HEPH: variants seen among roughly 807,000 people sequenced by gnomAD.
The protein encoded by HEPH is hephaestin.
In HEPH, 69 loss-of-function variants were observed where a neutral mutation model predicts 80.8. The ratio of observed to expected loss-of-function variants is 0.85; its 90% CI spans 0.70 to 1.04. The LOEUF is 1.04. Ranked by LOEUF, HEPH falls within the 50% of genes least tolerant of loss-of-function variation. The pLI, the probability that HEPH is intolerant of heterozygous loss-of-function variation, is 0.00. For missense variants in HEPH, 1,115 were observed against 891.3 expected (o/e 1.25, Z -3.20); for synonymous variants, 431 against 322.8 (o/e 1.34, Z -3.60).
intron 15 of HEPH, among the ~76,000 whole-genome samples, chrX:66,250,978 G>T (rs2090982638): frequency 8.9e-6 from 1 of 112,056 alleles, no homozygotes; most frequent in Non-Finnish European, 1.9e-5. Flanking sequence ...CTGCCCCCAA[G>T]GTTCAAATGA....
At chrX:66,241,254 T>C (rs188686737) in intron 15 of HEPH, among the ~76,000 whole-genome samples, 57 of 111,755 alleles carry the variant, frequency 5.1e-4, no homozygotes, top group Non-Finnish European at 8.3e-4. Context: ...AATCTCCACA[T>C]ATCAGTATTG....
At chrX:66,221,120 TCA>T (rs2089627766) in intron 15 of HEPH, among the ~76,000 whole-genome samples, 1 of 111,519 alleles carries the variant, frequency 9.0e-6, no homozygotes, top group Non-Finnish European at 1.9e-5. Flanking sequence ...CGTGGACCAG[TCA>T]GCTTCCGGGT....
chrX:66,219,190 G>A (rs757515269), intron 15 of HEPH, among the ~76,000 whole-genome samples: 3 of 112,062 alleles, frequency 2.7e-5, no homozygotes, highest in East Asian at 5.6e-4. Flanking sequence ...CAGGTAGCAA[G>A]GAAGCAGTAA....
chrX:66,173,808 G>T lies in HEPH; in HGVS notation c.625+7G>T. On this transcript the variant is annotated splice_region_variant and intron_variant, in intron 4 of 20. Coordinates refer to ENST00000343002, the MANE Select transcript of HEPH (RefSeq NM_001367233.3). ...CTCATCACCTGTAAAAGAGGTACAG[G>T]TCCCAAGGATAAGCTATGAGGTGTA... 1 of 1,155,441 alleles carries T rather than the reference G, an allele frequency of 8.7e-7. No homozygotes were observed. Among genetic ancestry groups the T allele is most frequent in the Non-Finnish European group, 1.2e-6 (1 of 857,910 alleles).
chrX:66,266,418 A>ATTTTTTTTTTT (rs376891573), intron 20 of HEPH, 22 bp from the exon 21 acceptor site: 1 of 1,032,826 alleles, frequency 9.7e-7, no homozygotes, highest in Non-Finnish European at 1.3e-6. Flanking sequence ...CAGGATGCCC[A>ATTTTTTTTTTT]TTTTTTTTTT....
At position 66,252,684 on chromosome X, in the gene HEPH, C is replaced by T. The variant is rs187039308; in HGVS notation, c.2564-2351C>T. On this transcript the variant is annotated intron_variant, in intron 15 of 20. Transcript: ENST00000343002. ...AAAAGAACAACAAAGTTGGAGAACT[C>T]ATACTTACTGGTTTCTAAACTTACT... is the stretch of plus-strand genomic sequence containing the variant. Among the ~76,000 whole-genome samples the T allele has an allele frequency of 1.1e-4, 12 of 112,110 alleles. No individual in the cohort carries two copies. In the East Asian group the frequency reaches 3.1e-3, roughly 29 times the overall value.
intron 1 of HEPH, among the ~76,000 whole-genome samples, chrX:66,167,166 T>C (rs760457857): frequency 8.9e-6 from 1 of 112,225 alleles, no homozygotes; most frequent in South Asian, 3.7e-4. Flanking sequence ...TTCACTTAGG[T>C]AGCCTGATAC....
At position 66,197,952 on chromosome X, in the gene HEPH, C is replaced by T. The variant is rs2088196988; in HGVS notation, c.1713+58C>T. ...CTGGGAGAAGGATGAAGCTGGGTTG[C>T]TGGATAGGAGTTAAGCATGGAACTG... On this transcript the variant is annotated intron_variant, in intron 10 of 20. Transcript: ENST00000343002. The T allele has an allele frequency of 4.9e-6, 5 of 1,020,416 alleles. No homozygotes were observed. In the Admixed American group the frequency reaches 7.8e-5, roughly 16 times the overall value. 84.1% of individuals were successfully genotyped at this position (1,020,416 alleles called of 1,213,427 possible).
chrX:66,214,727 ATTTTC>A (rs200833926), intron 15 of HEPH, among the ~76,000 whole-genome samples: 31,639 of 109,582 alleles, frequency 0.29, 4,184 homozygotes, highest in African/African-American at 0.51. Context: ...TAGAAAGAAA[ATTTTC>A]TTAATAACAT....
At chrX:66,264,256 TATATATATATGTAAAATATATATATTAA>T (rs1438608360) in intron 20 of HEPH, among the ~76,000 whole-genome samples, 1 of 106,053 alleles carries the variant, frequency 9.4e-6, no homozygotes, top group East Asian at 2.9e-4. Context: ...TTGAAATATA[TATATATATATGTAAAATATATATATTAA>T]ATATATATAT....
chrX:66,167,632 A>G (rs973161118), intron 1 of HEPH, among the ~76,000 whole-genome samples: 6 of 112,230 alleles, frequency 5.3e-5, no homozygotes, highest in African/African-American at 1.9e-4. Context: ...GTGACCATAT[A>G]TAGAGCTATG....
intron 13 of HEPH, among the ~76,000 whole-genome samples, chrX:66,203,823 TAGC>T (rs1321922227): frequency 1.8e-5 from 2 of 111,549 alleles, no homozygotes; most frequent in African/African-American, 6.5e-5. Flanking sequence ...TTCTTTCAGT[TAGC>T]TGGAAGTATT....
chrX:66,173,907 A>G, intron 4 of HEPH, 106 bp downstream of exon 4: 1 of 473,025 alleles, frequency 2.1e-6, no homozygotes, highest in Admixed American at 4.2e-5. Flanking sequence ...AGGAGTGCTA[A>G]TTCAGCACTC....
chrX:66,227,870 G>A (rs186238171), intron 15 of HEPH, among the ~76,000 whole-genome samples: 1 of 110,882 alleles, frequency 9.0e-6, no homozygotes, highest in East Asian at 2.8e-4. Flanking sequence ...CCTTGCTTTG[G>A]CTATGTGGGA....
intron 19 of HEPH, among the ~76,000 whole-genome samples, chrX:66,262,545 G>A (rs1465098985): frequency 8.9e-6 from 1 of 111,922 alleles, no homozygotes; most frequent in Non-Finnish European, 1.9e-5. Flanking sequence ...AGCATTGAGG[G>A]CTTAGTTGAA....
intron 2 of HEPH, among the ~76,000 whole-genome samples, chrX:66,171,972 C>A (rs917654299): frequency 5.4e-5 from 6 of 111,850 alleles, no homozygotes; most frequent in Non-Finnish European, 1.1e-4. Flanking sequence ...GGCTCCAAAG[C>A]TTGGAGTTAT....
At chrX:66,179,071 G>A (rs1476082128) in intron 4 of HEPH, among the ~76,000 whole-genome samples, 6 of 111,481 alleles carry the variant, frequency 5.4e-5, no homozygotes, top group African/African-American at 2.0e-4. Flanking sequence ...GGGTTTTTAT[G>A]GTTTTAGATC....
At chrX:66,208,284 CA>C in intron 15 of HEPH, 38 bp downstream of exon 15, 1 of 1,168,497 alleles carries the variant, frequency 8.6e-7, no homozygotes, top group Non-Finnish European at 1.2e-6. Context: ...AAAGGACATG[CA>C]TCACGTCTGC....
chrX:66,227,064 C>T (rs1371530787), intron 15 of HEPH, among the ~76,000 whole-genome samples: 1 of 111,812 alleles, frequency 8.9e-6, no homozygotes, highest in Non-Finnish European at 1.9e-5. Context: ...AATCCAACAG[C>T]ATATCAAAAA....
Sources: allele counts gnomAD v4.1 joint callset (sites outside exome capture counted in the v4.1 genomes callset), GRCh38; gene constraint gnomAD v4.1.1; transcripts MANE v1.5; gene names NCBI Gene and HGNC (gene_info 2026-07-23, HGNC 2026-07-21).